Variants in TIMM9 observed in about 807,000 individuals in gnomAD.
TIMM9 encodes mitochondrial import inner membrane translocase subunit Tim9.
TIMM9 carries 10 observed loss-of-function variants against 13.4 expected under a neutral mutation model. The ratio of observed to expected loss-of-function variants is 0.75; its 90% CI spans 0.46 to 1.26. TIMM9 has a LOEUF of 1.26. TIMM9 is among the 50% of genes most tolerant of loss of function. The pLI, the probability that TIMM9 is intolerant of heterozygous loss-of-function variation, is 0.00. For synonymous variants in TIMM9, 32 were observed against 32.1 expected, an observed-to-expected ratio of 1.00 and a Z score of 0.01; for missense variants, 87 against 100.8, an observed-to-expected ratio of 0.86 and a Z score of 0.58.
At chr14:58,418,341 C>G (rs964433342) in intron 3 of TIMM9, among the ~76,000 whole-genome samples, 3 of 152,066 alleles carry the variant, frequency 2.0e-5, no homozygotes, top group African/African-American at 7.2e-5. Flanking sequence ...ACAAAAAAAC[C>G]TACAGCCTAC....
At chr14:58,418,913 G>T (rs1447445476) in intron 3 of TIMM9, among the ~76,000 whole-genome samples, 2 of 151,874 alleles carry the variant, frequency 1.3e-5, no homozygotes, top group Non-Finnish European at 1.5e-5. Context: ...TTCTATCAAG[G>T]TCCTAACAAG....
chr14:58,413,879 C>T (rs547048175), intron 3 of TIMM9, among the ~76,000 whole-genome samples: 45 of 151,506 alleles, frequency 3.0e-4, no homozygotes, highest in African/African-American at 1.1e-3. Context: ...TGGTGGTGGG[C>T]GCCTGGAGTC....
intron 3 of TIMM9, among the ~76,000 whole-genome samples, chr14:58,419,493 AC>A (rs1566752399): frequency 1.3e-5 from 2 of 150,884 alleles, no homozygotes; most frequent in African/African-American, 4.9e-5. Flanking sequence ...ACACACACAC[AC>A]ACACACACAC....
At chr14:58,413,159 C>T (rs1233031116) in intron 3 of TIMM9, among the ~76,000 whole-genome samples, 1 of 152,166 alleles carries the variant, frequency 6.6e-6, no homozygotes, top group African/African-American at 2.4e-5. Context: ...GCATTTTACA[C>T]TTACACCACA....
chr14:58,409,056 C>A lies in TIMM9; in HGVS notation c.248G>T (p.Gly83Val), dbSNP rs374725614. The A allele has an allele frequency of 9.9e-6, 16 of 1,613,636 alleles. No individual in the cohort carries two copies. Among genetic ancestry groups the A allele is most frequent in the African/African-American group, 1.3e-5 (1 of 74,882 alleles). Residue 83 changes from glycine to valine, a missense_variant, in exon 6 of 6, where the codon GGA becomes GTA. By Grantham distance (109) the Gly-to-Val change is moderately radical. Transcript: ENST00000395159. The stretch of plus-strand genomic sequence containing the variant: ...TCTCTATCGTGGTTGGCCAAGGAGT[C>A]CTGCTTTGGCTGCCAGGGCTTCATT... ...QQNEALAAKAGLLGQPR is the reference protein window; with the variant it reads ...QQNEALAAKAVLLGQPR
intron 3 of TIMM9, among the ~76,000 whole-genome samples, chr14:58,420,573 A>C (rs1056139285): frequency 5.9e-5 from 9 of 152,206 alleles, no homozygotes; most frequent in African/African-American, 2.2e-4. Context: ...CGGGCAGATC[A>C]CCTGAGGTCA....
At chr14:58,412,430 G>A (rs1173054365) in intron 3 of TIMM9, among the ~76,000 whole-genome samples, 3 of 152,118 alleles carry the variant, frequency 2.0e-5, no homozygotes, top group Non-Finnish European at 2.9e-5. Flanking sequence ...GTTAGCCGCC[G>A]TGCCCGGCCA....
chr14:58,419,465 A>ACG (rs1239954472), intron 3 of TIMM9, among the ~76,000 whole-genome samples: 1 of 147,540 alleles, frequency 6.8e-6, no homozygotes, highest in Non-Finnish European at 1.5e-5. Flanking sequence ...ACACACACAC[A>ACG]CACACACACA....
chr14:58,424,915 G>C (rs1431682066), intron 2 of TIMM9, among the ~76,000 whole-genome samples: 2 of 152,002 alleles, frequency 1.3e-5, no homozygotes, highest in African/African-American at 2.4e-5. Context: ...TCACAAACAT[G>C]GGTGCCAACA....
At chr14:58,425,911 C>G (rs1473191745) in intron 2 of TIMM9, among the ~76,000 whole-genome samples, 1 of 151,852 alleles carries the variant, frequency 6.6e-6, no homozygotes, top group African/African-American at 2.4e-5. Context: ...GTCAGGAGTT[C>G]GAGACCAACC....
chr14:58,422,383 T>G (rs1172700797), intron 3 of TIMM9, among the ~76,000 whole-genome samples: 1 of 152,210 alleles, frequency 6.6e-6, no homozygotes, highest in African/African-American at 2.4e-5. Context: ...CCCAAAGTGC[T>G]GGGATTACAG....
At chr14:58,411,253 G>A (rs1219811426) in intron 4 of TIMM9, among the ~76,000 whole-genome samples, 1 of 152,000 alleles carries the variant, frequency 6.6e-6, no homozygotes, top group Admixed American at 6.6e-5. Flanking sequence ...TTCGAGACCA[G>A]CCTGGCCAAC....
intron 3 of TIMM9, 40 bp downstream of exon 3, chr14:58,423,968 T>A (rs1210973404): frequency 1.3e-5 from 2 of 152,188 alleles, no homozygotes; most frequent in Non-Finnish European, 2.9e-5. Flanking sequence ...CCAGGGAACT[T>A]AAGAATAAAG....
intron 3 of TIMM9, among the ~76,000 whole-genome samples, chr14:58,416,801 A>C (rs1206722006): frequency 6.6e-6 from 1 of 152,180 alleles, no homozygotes; most frequent in African/African-American, 2.4e-5. Flanking sequence ...TTTAGTACTA[A>C]ATGCATACAT....
intron 3 of TIMM9, among the ~76,000 whole-genome samples, chr14:58,419,992 A>G (rs1206896388): frequency 6.6e-6 from 1 of 152,228 alleles, no homozygotes; most frequent in Non-Finnish European, 1.5e-5. Context: ...GGGTCTCACC[A>G]TGTTGCCCAG....
chr14:58,420,983 T>C (rs1341806017), intron 3 of TIMM9, among the ~76,000 whole-genome samples: 1 of 152,144 alleles, frequency 6.6e-6, no homozygotes, highest in Non-Finnish European at 1.5e-5. Context: ...TACATTCATC[T>C]CCCATATAAC....
At chr14:58,413,324 T>G (rs1186925502) in intron 3 of TIMM9, among the ~76,000 whole-genome samples, 1 of 152,242 alleles carries the variant, frequency 6.6e-6, no homozygotes, top group Non-Finnish European at 1.5e-5. Context: ...CTACTAATGA[T>G]CCTTTTACAA....
rs191652471 is a variant in TIMM9 at position 58,419,484 on chromosome 14, C to T, written c.-27+4524G>A. On this transcript the variant is annotated intron_variant, in intron 3 of 5. Transcript: ENST00000395159. ...ACACACACACACACACACACACACA[C>T]ACACACACACACACACACACAAACA... Among the ~76,000 whole-genome samples, 1,295 of 150,614 alleles carry T rather than the reference C, an allele frequency of 8.6e-3. 32 individuals carry two copies. In the East Asian group the frequency reaches 0.089, roughly 10 times the overall value.
At chr14:58,411,433 G>C (rs1168629532) in intron 4 of TIMM9, among the ~76,000 whole-genome samples, 7 of 150,748 alleles carry the variant, frequency 4.6e-5, no homozygotes, top group South Asian at 2.1e-4. Context: ...GGCCGACAAA[G>C]AGAGACTGTG....
Sources: allele counts gnomAD v4.1 joint callset (sites outside exome capture counted in the v4.1 genomes callset), GRCh38; gene constraint gnomAD v4.1.1; transcripts MANE v1.5; gene names NCBI Gene and HGNC (gene_info 2026-07-23, HGNC 2026-07-21).